The following VIPR2 variants were observed in gnomAD, a reference collection of about 807,000 sequenced individuals.
VIPR2 encodes vasoactive intestinal polypeptide receptor 2.
In VIPR2, 48 loss-of-function variants were observed where a neutral mutation model predicts 58.0. The observed-to-expected ratio is 0.83, with a 90% CI of 0.66 to 1.05. VIPR2 has a LOEUF of 1.05. Among genes scored for constraint, VIPR2 ranks in the 50% least tolerant of loss-of-function variants. The pLI, the probability that VIPR2 is intolerant of heterozygous loss-of-function variation, is 0.00. For synonymous variants in VIPR2, 243 were observed against 235.2 expected, an observed-to-expected ratio of 1.03 and a Z score of -0.30; for missense variants, 534 against 558.0, an observed-to-expected ratio of 0.96 and a Z score of 0.43.
rs1857967577 is a variant in VIPR2 at position 159,097,991 on chromosome 7, G to T, written c.357+5766C>A. ...TCTCAGCCCCCACACAGACCCACTG[G>T]GCCAGAGCCCGCACCACGATCAGTC... On this transcript the variant is annotated intron_variant, in intron 4 of 12. Transcript: ENST00000262178. This position sits in a 1 kb window ranked among gnomAD's most constrained non-coding sequence, Gnocchi z 5.3. Among the ~76,000 whole-genome samples the T allele has an allele frequency of 6.6e-6, 1 of 152,150 alleles. No homozygotes were observed. The highest frequency in any genetic ancestry group is 2.1e-4 in the South Asian group (1 of 4,828).
chr7:159,117,549 T>C (rs1796285716), intron 2 of VIPR2: 1 of 640,274 alleles, frequency 1.6e-6, no homozygotes. Flanking sequence ...AGTTGTCACC[T>C]GCACCATGCT....
chr7:159,029,643 G>A lies in VIPR2; in HGVS notation c.*973C>T, dbSNP rs984500235. ...CCTGGGGCTGAGCGTCAGGCTCTGC[G>A]GCTCCCACAGGGCGGCAGGTGACCT... On this transcript the variant is annotated 3_prime_UTR_variant, in exon 13 of 13. Transcript: ENST00000262178. 7.9e-5 allele frequency: 12 copies of A among 152,296 alleles called. No homozygotes were observed. The East Asian group carries it at 1.2e-3, about 15-fold the overall frequency. 9.4% of individuals were successfully genotyped at this position (152,296 alleles called of 1,614,324 possible).
At chr7:159,136,896 A>G (rs997751566) in intron 2 of VIPR2, among the ~76,000 whole-genome samples, 1 of 152,200 alleles carries the variant, frequency 6.6e-6, no homozygotes, top group Non-Finnish European at 1.5e-5. Flanking sequence ...GGAAGCAGCC[A>G]GGTTCTGAGG....
intron 2 of VIPR2, among the ~76,000 whole-genome samples, chr7:159,129,146 G>T (rs1323900125): frequency 6.2e-5 from 6 of 96,176 alleles, no homozygotes; most frequent in African/African-American, 2.2e-4. Context: ...CTCTGGGGGG[G>T]ACAGGGCTGG....
rs1330125774 is a variant in VIPR2 at position 159,058,509 on chromosome 7, T to C, written c.427A>G (p.Thr143Ala). ...GYSVSLMSLA[T>A]GSIILCLFRK... Reference sequence around the variant, plus strand: ...AAGAGGCACAGAATTATGCTTCCTGTTGCAAGAGACATCAGAGAGACACTG... The same window carrying C: ...AAGAGGCACAGAATTATGCTTCCTGCTGCAAGAGACATCAGAGAGACACTG... The change falls in exon 5 of 13, where the codon ACA (threonine) becomes GCA (alanine). Residue 143 changes from threonine (T) to alanine (A), a missense_variant. Coordinates refer to ENST00000262178, the MANE Select transcript of VIPR2 (RefSeq NM_003382.5). 6 of 1,613,458 alleles carry C rather than the reference T, an allele frequency of 3.7e-6. No individual in the cohort carries two copies. The highest frequency in any genetic ancestry group is 1.7e-5 in the Admixed American group (1 of 60,028).
At position 159,144,319 on chromosome 7, in the gene VIPR2, G is replaced by C. The variant is rs775085903; in HGVS notation, c.51+402C>G. The C allele has an allele frequency of 1.8e-5, 28 of 1,520,040 alleles. No individual in the cohort carries two copies. In the Admixed American group the frequency reaches 3.5e-4, roughly 19 times the overall value. The allele number at this position is 1,520,040 out of a possible 1,614,324, so 94.2% of individuals were successfully genotyped here. A position where few individuals can be genotyped will look rare whatever the true frequency, so the allele number is the denominator to read the frequency against. On this transcript the variant is annotated intron_variant, in intron 1 of 12. Transcript: ENST00000262178. The stretch of plus-strand genomic sequence containing the variant: ...TAACCAGTAAGTACAGGGAGGGACC[G>C]AGAGGCATCTGCGGCCAACGCCAAC...
intron 3 of VIPR2, among the ~76,000 whole-genome samples, chr7:159,106,783 T>G (rs943640249): frequency 3.7e-3 from 179 of 48,424 alleles, no homozygotes; most frequent in Admixed American, 5.5e-3. Flanking sequence ...GCCGGGGAGG[T>G]AGAGAGAGAG....
chr7:159,044,995 C>A (rs945113959), intron 5 of VIPR2, among the ~76,000 whole-genome samples: 1 of 152,136 alleles, frequency 6.6e-6, no homozygotes, highest in African/African-American at 2.4e-5. Flanking sequence ...GATCTCAAAC[C>A]TCTGACCGTA....
chr7:159,101,116 C>CCCA (rs1420138757), intron 4 of VIPR2, among the ~76,000 whole-genome samples: 3 of 130,648 alleles, frequency 2.3e-5, no homozygotes, highest in Admixed American at 7.6e-5. Flanking sequence ...GAGGCGGTTC[C>CCCA]GACTGTTCCT....
intron 3 of VIPR2, 139 bp from the exon 4 acceptor site, chr7:159,103,993 C>T: frequency 4.2e-6 from 3 of 710,672 alleles, no homozygotes; most frequent in Non-Finnish European, 7.2e-6. Flanking sequence ...GACTGCCACT[C>T]AAAAAACCTT....
At chr7:159,082,868 C>G (rs1290561993) in intron 4 of VIPR2, among the ~76,000 whole-genome samples, 2 of 152,190 alleles carry the variant, frequency 1.3e-5, no homozygotes, top group African/African-American at 4.8e-5. Context: ...AAGGGTGGCT[C>G]AAGACCATTC....
At chr7:159,124,066 G>A (rs887358372) in intron 2 of VIPR2, among the ~76,000 whole-genome samples, 2 of 152,176 alleles carry the variant, frequency 1.3e-5, no homozygotes, top group African/African-American at 4.8e-5. Flanking sequence ...CAGGTGCATA[G>A]TTGCAAATGT....
rs1853479076 is a variant in VIPR2 at position 159,030,569 on chromosome 7, G to A, written c.*47C>T. On this transcript the variant is annotated 3_prime_UTR_variant, in exon 13 of 13. Coordinates refer to ENST00000262178, the MANE Select transcript of VIPR2 (RefSeq NM_003382.5). Reference sequence around the variant, plus strand: ...AAGCCGGCGTCTCAGCCCCGCAGAAGCCCCGAACCGTGGGCCTCCCGCCGC... The same window carrying A: ...AAGCCGGCGTCTCAGCCCCGCAGAAACCCCGAACCGTGGGCCTCCCGCCGC... The A allele has an allele frequency of 6.7e-7, 1 of 1,489,804 alleles. No homozygotes were observed. The highest frequency in any genetic ancestry group is 9.0e-7 in the Non-Finnish European group (1 of 1,116,086). 92.3% of individuals were successfully genotyped at this position (1,489,804 alleles called of 1,614,324 possible). A position where few individuals can be genotyped will look rare whatever the true frequency, so the allele number is the denominator to read the frequency against.
At chr7:159,070,937 G>A (rs1203028585) in intron 4 of VIPR2, among the ~76,000 whole-genome samples, 3 of 152,202 alleles carry the variant, frequency 2.0e-5, no homozygotes, top group African/African-American at 7.2e-5. Flanking sequence ...CCTCAGCAGC[G>A]TGGCCCAGCA....
intron 4 of VIPR2, among the ~76,000 whole-genome samples, chr7:159,073,985 A>G (rs1399636977): frequency 6.6e-6 from 1 of 152,236 alleles, no homozygotes; most frequent in Non-Finnish European, 1.5e-5. Context: ...ATTTCTCATT[A>G]ACATTAGCAA....
rs1458309068 is a variant in VIPR2, at chr7:159,093,400, G to A, written c.357+10357C>T. On this transcript the variant is annotated intron_variant, in intron 4 of 12. Coordinates refer to ENST00000262178, the MANE Select transcript of VIPR2 (RefSeq NM_003382.5). The surrounding 1 kb of genome is among the most constrained non-coding windows in gnomAD (Gnocchi z 6.7). ...TAGTAGAAGTCAGGGCAGGCACCGC[G>A]GCTCCACGCTTACTTTCGAGGGTGC... Among the ~76,000 whole-genome samples, 1 of 152,156 alleles carries A rather than the reference G, an allele frequency of 6.6e-6. No individual in the cohort carries two copies. Among genetic ancestry groups the A allele is most frequent in the South Asian group, 2.1e-4 (1 of 4,820 alleles).
chr7:159,055,603 C>A (rs774474918), intron 5 of VIPR2, among the ~76,000 whole-genome samples: 1 of 152,042 alleles, frequency 6.6e-6, no homozygotes, highest in Non-Finnish European at 1.5e-5. Context: ...AGGCAAATGT[C>A]CCCCACCGGT....
intron 4 of VIPR2, among the ~76,000 whole-genome samples, chr7:159,084,112 G>A (rs1220368528): frequency 6.6e-6 from 1 of 152,236 alleles, no homozygotes. Flanking sequence ...TTTGCACAGG[G>A]TGCTGTGGGG....
intron 4 of VIPR2, among the ~76,000 whole-genome samples, chr7:159,071,466 T>G (rs1856384228): frequency 6.6e-6 from 1 of 152,212 alleles, no homozygotes; most frequent in Non-Finnish European, 1.5e-5. Flanking sequence ...CACTGGCTTT[T>G]CCATGGGCAT....
Sources: allele counts gnomAD v4.1 joint callset (sites outside exome capture counted in the v4.1 genomes callset), GRCh38; gene constraint gnomAD v4.1.1; non-coding constraint Gnocchi (gnomAD v3.1); transcripts MANE v1.5; gene names NCBI Gene and HGNC (gene_info 2026-07-23, HGNC 2026-07-21).